CARMIL1: variants seen among roughly 807,000 people sequenced by gnomAD.
CARMIL1 encodes the protein F-actin-uncapping protein LRRC16A.
In CARMIL1, 90 loss-of-function variants were observed where a neutral mutation model predicts 177.1. The ratio of observed to expected loss-of-function variants is 0.51; its 90% confidence interval spans 0.43 to 0.61. CARMIL1 has a LOEUF of 0.61. Among genes scored for constraint, CARMIL1 ranks in the 20% least tolerant of loss-of-function variants. The probability of loss-of-function intolerance (pLI) is 0.00; values close to 1 mark genes in which losing one functional copy is unlikely to be tolerated. For missense variants in CARMIL1, 1,380 were observed against 1,667.0 expected (o/e 0.83, Z 3.00); for synonymous variants, 577 against 606.2 (o/e 0.95, Z 0.71).
In CARMIL1 at chr6:25,600,505, T is replaced by C. The variant is rs1160143322; in HGVS notation, c.3311T>C (p.Val1104Ala). ...SPKGAVRSPP[V>A]DCPRKDTKAA... is the part of the protein sequence containing the mutation. ...AAAGGGGCAGTCAGAAGTCCACCTG[T>C]GGACTGTCCCAGGAAGGACACAAAG... The change falls in exon 33 of 37, where the codon GTG becomes GCG. Residue 1104 changes from valine to alanine, a missense_variant. Physicochemically the swap from Val to Ala is moderately conservative, Grantham distance 64 (BLOSUM62 0). Coordinates refer to ENST00000329474, the MANE Select transcript of CARMIL1 (RefSeq NM_017640.6). 1.2e-6 allele frequency: 2 copies of C among 1,614,036 alleles called. No individual in the cohort carries two copies. Among genetic ancestry groups the C allele is most frequent in the Admixed American group, 1.7e-5 (1 of 60,030 alleles).
intron 2 of CARMIL1, among the ~76,000 whole-genome samples, chr6:25,368,745 A>T (rs979763454): frequency 6.6e-6 from 1 of 152,170 alleles, no homozygotes; most frequent in Non-Finnish European, 1.5e-5. Context: ...TAGATGTGGA[A>T]TTAATGAGAT....
intron 2 of CARMIL1, among the ~76,000 whole-genome samples, chr6:25,355,591 T>G (rs1366802531): frequency 6.6e-6 from 1 of 152,152 alleles, no homozygotes; most frequent in Non-Finnish European, 1.5e-5. Flanking sequence ...GGAGGATCAC[T>G]TGAACCCAGC....
At chr6:25,576,992 G>C (rs1812646710) in intron 29 of CARMIL1, 1 of 985,072 alleles carries the variant, frequency 1.0e-6, no homozygotes, top group Non-Finnish European at 1.2e-6. Flanking sequence ...TGCTGTACAA[G>C]TGTAAGTATT....
chr6:25,431,798 C>T lies in CARMIL1; in HGVS notation c.250-3685C>T, dbSNP rs977256393. Among the ~76,000 whole-genome samples the T allele has an allele frequency of 1.6e-4, 24 of 152,136 alleles. No homozygotes were observed. In the Middle Eastern group the frequency reaches 0.014, roughly 86 times the overall value. ...CATTCAGAGGAACTGTGTATAAAGC[C>T]GTCTGTCTCAGCCCCTGTCAGTGTC... On this transcript the variant is annotated intron_variant, in intron 4 of 36. Transcript: ENST00000329474.
intron 25 of CARMIL1, among the ~76,000 whole-genome samples, chr6:25,539,243 G>A (rs1808641965): frequency 6.6e-6 from 1 of 152,106 alleles, no homozygotes; most frequent in South Asian, 2.1e-4. Flanking sequence ...AGTGCCATCT[G>A]AACTGGGGAT....
rs976116420 is a variant in CARMIL1, at chr6:25,564,265, A to G, written c.2742+7415A>G. Among the ~76,000 whole-genome samples the G allele has an allele frequency of 2.0e-5, 3 of 152,284 alleles. No homozygotes were observed. The South Asian group carries it at 6.2e-4, about 32-fold the overall frequency. On this transcript the variant is annotated intron_variant, in intron 29 of 36. Transcript: ENST00000329474. Reference sequence around the variant, plus strand: ...CATGATCTTATTATTTCTCCACTGCACTGTCCAGGTCAGGAAAGGGCCTGA... The same window carrying G: ...CATGATCTTATTATTTCTCCACTGCGCTGTCCAGGTCAGGAAAGGGCCTGA...
intron 2 of CARMIL1, among the ~76,000 whole-genome samples, chr6:25,334,123 G>A (rs964189460): frequency 1.3e-5 from 2 of 152,196 alleles, no homozygotes; most frequent in African/African-American, 4.8e-5. Context: ...GGGTTGAGTA[G>A]TGATCCTGGT....
intron 2 of CARMIL1, among the ~76,000 whole-genome samples, chr6:25,298,605 C>T (rs907612133): frequency 2.0e-5 from 3 of 149,126 alleles, no homozygotes; most frequent in African/African-American, 7.6e-5. Context: ...GTCCCTCTTT[C>T]ACTTCCCAGT....
At position 25,554,534 on chromosome 6, in the gene CARMIL1, G is replaced by A. The variant is rs569845125; in HGVS notation, c.2592+438G>A. 2.0e-5 allele frequency among the ~76,000 whole-genome samples: 3 copies of A among 152,242 alleles called. No homozygotes were observed. In the South Asian group the frequency reaches 6.2e-4, roughly 32 times the overall value. The stretch of plus-strand genomic sequence containing the variant: ...AACAAAATGGGCATAATTTAGTAAT[G>A]GATAGCTGCTGACTGCCCCACAGGT... On this transcript the variant is annotated intron_variant, in intron 28 of 36. Transcript: ENST00000329474. The surrounding 1 kb of genome is among the most constrained non-coding windows in gnomAD (Gnocchi z 4.6).
intron 11 of CARMIL1, among the ~76,000 whole-genome samples, chr6:25,478,464 A>G (rs1461958401): frequency 6.6e-6 from 1 of 152,180 alleles, no homozygotes; most frequent in Non-Finnish European, 1.5e-5. Context: ...GAAATAATTG[A>G]TATTTTTATG....
At chr6:25,473,230 T>G (rs1411839057) in intron 11 of CARMIL1, among the ~76,000 whole-genome samples, 2 of 152,186 alleles carry the variant, frequency 1.3e-5, no homozygotes, top group Non-Finnish European at 2.9e-5. Context: ...CTGTTTTTCA[T>G]GAACTCAAAG....
intron 8 of CARMIL1, among the ~76,000 whole-genome samples, chr6:25,459,270 T>TTTCTCTTTCTTTCTTTC (rs1799896544): frequency 1.4e-4 from 3 of 21,212 alleles, no homozygotes; most frequent in African/African-American, 4.0e-4. Flanking sequence ...TTCTTTCTTT[T>TTTCTCTTTCTTTCTTTC]TTTTTTTTTT....
chr6:25,591,929 T>C (rs891606655), intron 31 of CARMIL1, among the ~76,000 whole-genome samples: 2 of 152,190 alleles, frequency 1.3e-5, no homozygotes, highest in African/African-American at 2.4e-5. Context: ...CTGAAACCCA[T>C]TGATGTACCC....
intron 10 of CARMIL1, among the ~76,000 whole-genome samples, chr6:25,471,472 G>A (rs1288813758): frequency 6.6e-6 from 1 of 151,992 alleles, no homozygotes; most frequent in Non-Finnish European, 1.5e-5. Flanking sequence ...TGATATTTTT[G>A]AGAGTACATA....
intron 17 of CARMIL1, among the ~76,000 whole-genome samples, chr6:25,506,527 C>T (rs760477140): frequency 6.7e-6 from 1 of 150,072 alleles, no homozygotes; most frequent in Admixed American, 6.7e-5. Context: ...GCCTGGGAGA[C>T]AGTGACTCCG....
chr6:25,386,694 T>C (rs56248376), intron 2 of CARMIL1, among the ~76,000 whole-genome samples: 22,041 of 152,148 alleles, frequency 0.14, 1,831 homozygotes, highest in East Asian at 0.32. Flanking sequence ...TGAGTTAATA[T>C]AAGCAAAGAC....
At chr6:25,362,426 G>T (rs144413404) in intron 2 of CARMIL1, among the ~76,000 whole-genome samples, 12,156 of 152,242 alleles carry the variant, frequency 0.08, 574 homozygotes, top group Non-Finnish European at 0.1. Context: ...TGTAATCCCA[G>T]TACTTTGGGA....
intron 2 of CARMIL1, among the ~76,000 whole-genome samples, chr6:25,402,075 A>G (rs880226): frequency 0.44 from 66,886 of 150,680 alleles, 15,101 homozygotes; most frequent in Middle Eastern, 0.59. Context: ...ATATATTTAC[A>G]CTGTGAAATT....
chr6:25,482,707 T>G (rs1236597964), intron 12 of CARMIL1, among the ~76,000 whole-genome samples: 1 of 152,224 alleles, frequency 6.6e-6, no homozygotes, highest in African/African-American at 2.4e-5. Flanking sequence ...TCAGATAGAC[T>G]GTCTGCTTTA....
Sources: gnomAD v4.1 joint callset for allele counts (sites outside exome capture counted in the v4.1 genomes callset) on GRCh38, gnomAD v4.1.1 for gene constraint, Gnocchi (gnomAD v3.1) non-coding constraint, MANE v1.5 for transcripts, NCBI Gene and HGNC (gene_info 2026-07-23, HGNC 2026-07-21) for gene names.